The following TMC6 variants were observed in gnomAD, a reference collection of about 807,000 sequenced individuals.
The protein encoded by TMC6 is transmembrane channel-like protein 6.
In TMC6, 71 loss-of-function variants were observed where a neutral mutation model predicts 95.4. The observed-to-expected ratio is 0.74, with a 90% CI of 0.61 to 0.91. The LOEUF (loss-of-function observed/expected upper bound fraction) is 0.91, where lower values mean the gene tolerates loss of function less well. TMC6 is among the 40% of genes least tolerant of loss of function. The pLI is 0.00. For synonymous variants in TMC6, 514 were observed against 483.1 expected (o/e 1.06, Z -0.84); for missense variants, 1,074 against 1,079.1 (o/e 1.00, Z 0.07).
rs202180344 is a variant in TMC6, at chr17:78,126,666, G to T, written c.57-18C>A. The T allele has an allele frequency of 1.1e-5, 18 of 1,611,666 alleles. 1 individual carries two copies. In the South Asian group the frequency reaches 1.5e-4, roughly 14 times the overall value. Reference sequence around the variant, plus strand: ...GGCCCTGGCTGCAGAGGGGGTTGGCGGGGGGGTCAGGCTCCAGCCACCTCT... The same window carrying T: ...GGCCCTGGCTGCAGAGGGGGTTGGCTGGGGGGTCAGGCTCCAGCCACCTCT... On this transcript the variant is annotated intron_variant, in intron 2 of 19. Coordinates refer to ENST00000590602, the MANE Select transcript of TMC6 (RefSeq NM_001127198.5).
chr17:78,114,800 C>A (rs1053298670), intron 18 of TMC6, among the ~76,000 whole-genome samples: 2 of 152,198 alleles, frequency 1.3e-5, no homozygotes, highest in Non-Finnish European at 2.9e-5. Context: ...GCCATGCCGA[C>A]CTGCACGGGG....
chr17:78,119,716 C>T, intron 13 of TMC6: 1 of 420,432 alleles, frequency 2.4e-6, no homozygotes, highest in Non-Finnish European at 4.5e-6. Flanking sequence ...CTCACTGCAG[C>T]CTTGACCTCC....
Position 78,117,614 on chromosome 17 carries a change from G to C in TMC6, c.2052C>G (p.Phe684Leu), listed in dbSNP as rs939049495. The C allele has an allele frequency of 2.5e-6, 4 of 1,578,774 alleles. No individual in the cohort carries two copies. The highest frequency in any genetic ancestry group is 1.3e-5 in the African/African-American group (1 of 74,192). ...QVKPSSTCGP[F>L]RTLDTMYEAG... ...CCTCGTACATGGTGTCCAGGGTCCG[G>C]AAGGGGCCGCAGGTGCTCGAGGGCT... Residue 684 changes from phenylalanine to leucine, a missense_variant, in exon 17 of 20, where the codon TTC becomes TTG. Coordinates refer to ENST00000590602, the MANE Select transcript of TMC6 (RefSeq NM_001127198.5).
intron 18 of TMC6, among the ~76,000 whole-genome samples, chr17:78,116,021 C>T (rs1293484243): frequency 6.6e-6 from 1 of 152,036 alleles, no homozygotes; most frequent in Non-Finnish European, 1.5e-5. Flanking sequence ...CATGACACAG[C>T]ATGAGGGCCT....
At position 78,125,840 on chromosome 17, in the gene TMC6, C is replaced by T. The variant is rs745334447; in HGVS notation, c.316G>A (p.Val106Met). The stretch of plus-strand genomic sequence containing the variant: ...CGGCTGCTCCTGCACCGAAGCTGCA[C>T]CGTGCGGTTGTAGTACTGGGAGATG... ...AIISQYYNRTVQLRCRSSRPL... is the reference protein window; with the variant it reads ...AIISQYYNRTMQLRCRSSRPL... Residue 106 changes from valine (V) to methionine (M), a missense_variant, in exon 5 of 20, where the codon GTG becomes ATG. Coordinates refer to ENST00000590602, the MANE Select transcript of TMC6 (RefSeq NM_001127198.5). The T allele has an allele frequency of 2.7e-5, 42 of 1,552,692 alleles. No individual in the cohort carries two copies. The highest frequency in any genetic ancestry group is 3.6e-5 in the Non-Finnish European group (41 of 1,148,096).
intron 13 of TMC6, chr17:78,120,220 C>T (rs767665049): frequency 1.3e-4 from 43 of 340,072 alleles, no homozygotes; most frequent in African/African-American, 3.8e-4. Context: ...AGTGCAGAGG[C>T]GCAATCTCAG....
At position 78,109,669 on chromosome 17, in the gene TMC6, G is replaced by T. The variant is rs776139435; in HGVS notation, c.*3479C>A. The T allele has an allele frequency of 7.2e-6, 3 of 417,224 alleles. No homozygotes were observed. In the Admixed American group the frequency reaches 7.5e-5, roughly 10 times the overall value. 25.8% of individuals were successfully genotyped at this position (417,224 alleles called of 1,614,324 possible). A position where few individuals can be genotyped will look rare whatever the true frequency, so the allele number is the denominator to read the frequency against. ...CATTTCCGAAGCCCCCCAAGCCCAC[G>T]GGCGTGAGTGCATGCATGCGTTTGT... On this transcript the variant is annotated 3_prime_UTR_variant, in exon 20 of 20. Transcript: ENST00000590602.
intron 18 of TMC6, among the ~76,000 whole-genome samples, chr17:78,115,659 G>GGACCAGCTGCCGGGTGGACAGTACTCCT: frequency 6.9e-6 from 1 of 145,664 alleles, no homozygotes; most frequent in Non-Finnish European, 1.5e-5. Context: ...GTGGGCACAG[G>GGACCAGCTGCCGGGTGGACAGTACTCCT]GGCGAAGGGA....
Position 78,118,818 on chromosome 17 carries a change from G to A in TMC6, c.1887+153C>T, listed in dbSNP as rs2145126040. Among the ~76,000 whole-genome samples, 4 of 152,304 alleles carry A rather than the reference G, an allele frequency of 2.6e-5. No homozygotes were observed. The Middle Eastern group carries it at 0.014, about 518-fold the overall frequency. On this transcript the variant is annotated intron_variant, in intron 15 of 19. Coordinates refer to ENST00000590602, the MANE Select transcript of TMC6 (RefSeq NM_001127198.5). Reference sequence around the variant, plus strand: ...GCCAAGAGGGGTCAGCCGTCCCTTGGGCGGAGGGACAGGCCAGGGCAGCCC... The same window carrying A: ...GCCAAGAGGGGTCAGCCGTCCCTTGAGCGGAGGGACAGGCCAGGGCAGCCC...
chr17:78,114,806 C>T lies in TMC6; in HGVS notation c.2278-1182G>A, dbSNP rs78125266. Among the ~76,000 whole-genome samples the T allele has an allele frequency of 6.9e-3, 1,048 of 152,292 alleles. 16 individuals carry two copies. Among genetic ancestry groups the T allele is most frequent in the South Asian group, 0.028 (134 of 4,830 alleles). ...TGCACTTGAGCCATGCCGACCTGCACGGGGAAAACTCAGACCGACAGCCCC... is the reference window on the plus strand; with the variant it reads ...TGCACTTGAGCCATGCCGACCTGCATGGGGAAAACTCAGACCGACAGCCCC... On this transcript the variant is annotated intron_variant, in intron 18 of 19. Transcript: ENST00000590602.
upstream of TMC6, chr17:78,132,171 C>T: frequency 7.0e-7 from 1 of 1,426,254 alleles, no homozygotes; most frequent in Non-Finnish European, 9.5e-7. Flanking sequence ...CCACCCCTTC[C>T]GCCCGCAGGC....
upstream of TMC6, chr17:78,132,305 G>GGCCC: frequency 1.9e-6 from 3 of 1,602,806 alleles, no homozygotes; most frequent in South Asian, 2.2e-5. Flanking sequence ...GACTCTCAGC[G>GGCCC]CGGCCCCAGC....
At chr17:78,117,185 G>T in intron 18 of TMC6, 84 bp downstream of exon 18, 2 of 1,434,458 alleles carry the variant, frequency 1.4e-6, no homozygotes, top group Middle Eastern at 1.8e-4. Flanking sequence ...GCCCACAGGA[G>T]ATGTACAGGG....
At chr17:78,131,433 C>A, upstream of TMC6, 1 of 1,067,002 alleles carries the variant, frequency 9.4e-7, no homozygotes, top group Non-Finnish European at 1.4e-6. Context: ...CTGCAGGAGC[C>A]CAGGCCCCGA....
At chr17:78,131,244 T>G, upstream of TMC6, 1 of 432,208 alleles carries the variant, frequency 2.3e-6, no homozygotes, top group Non-Finnish European at 4.3e-6. Flanking sequence ...CGGTCCAGAC[T>G]TTCTGTGCCC....
intron 18 of TMC6, among the ~76,000 whole-genome samples, chr17:78,116,492 C>T (rs922916492): frequency 4.6e-5 from 7 of 151,796 alleles, no homozygotes; most frequent in Non-Finnish European, 8.8e-5. Context: ...AGGCTGGTCT[C>T]GAACTCCTGG....
chr17:78,124,826 G>A, intron 7 of TMC6, 45 bp from the exon 8 acceptor site: 1 of 1,578,666 alleles, frequency 6.3e-7, no homozygotes, highest in South Asian at 1.1e-5. Context: ...GCCGGAGGAG[G>A]CACTGAGGCC....
chr17:78,119,844 C>T, intron 13 of TMC6: 1 of 354,260 alleles, frequency 2.8e-6, no homozygotes, highest in Non-Finnish European at 5.3e-6. Context: ...GACAAGGTCT[C>T]ACTCTGTTGC....
rs1309562469 is a variant in TMC6 at position 78,112,717 on chromosome 17, C to T, written c.*431G>A. ...TGTGCAGGTGTAAGCCCCTCCTGGG[C>T]GCGAGTTCAGGCTGGTCAAAGGCAG... On this transcript the variant is annotated 3_prime_UTR_variant, in exon 20 of 20. Transcript: ENST00000590602. The T allele has an allele frequency of 8.1e-6, 2 of 247,182 alleles. No homozygotes were observed. Among genetic ancestry groups the T allele is most frequent in the Admixed American group, 5.1e-5 (1 of 19,562 alleles). 15.3% of individuals were successfully genotyped at this position (247,182 alleles called of 1,614,324 possible).
Sources: allele counts gnomAD v4.1 joint callset (sites outside exome capture counted in the v4.1 genomes callset), GRCh38; gene constraint gnomAD v4.1.1; transcripts MANE v1.5; gene names NCBI Gene and HGNC (gene_info 2026-07-23, HGNC 2026-07-21).